The following NLRC3 variants were observed in gnomAD, a reference collection of about 807,000 sequenced individuals.
The protein encoded by NLRC3 is NLR family CARD domain-containing protein 3.
In NLRC3, 87 loss-of-function variants were observed where a neutral mutation model predicts 91.6. The observed-to-expected ratio is 0.95, with a 90% CI of 0.80 to 1.14. The LOEUF (loss-of-function observed/expected upper bound fraction) is 1.14. Ranked by LOEUF, NLRC3 falls within the 50% of genes most tolerant of loss-of-function variation. NLRC3 has a pLI of 0.00. For missense variants in NLRC3, 1,577 were observed against 1,418.6 expected (o/e 1.11, Z -1.79); for synonymous variants, 694 against 625.3 (o/e 1.11, Z -1.64).
rs772641358 is a variant in NLRC3 at position 3,550,508 on chromosome 16, A to C, written c.2352-11T>G. ...CTATTACTGGAGAACCTGCAAGAGA[A>C]GGGATATGGATGAGCCAGCCTCTGG... On this transcript the variant is annotated splice_polypyrimidine_tract_variant and intron_variant, in intron 10 of 19. Coordinates refer to ENST00000359128, the MANE Select transcript of NLRC3 (RefSeq NM_178844.4). 1 of 1,599,302 alleles carries C rather than the reference A, an allele frequency of 6.3e-7. No individual in the cohort carries two copies. The highest frequency in any genetic ancestry group is 1.1e-5 in the South Asian group (1 of 90,800).
chr16:3,554,386 ACT>A (rs2039183733), intron 8 of NLRC3, 61 bp from the exon 9 acceptor site: 5 of 1,312,870 alleles, frequency 3.8e-6, no homozygotes, highest in African/African-American at 1.4e-5. Flanking sequence ...AGGGGTCTGA[ACT>A]CTCTCTGCAG....
chr16:3,552,140 G>T (rs2039049473), intron 10 of NLRC3, 56 bp downstream of exon 10: 5 of 1,037,294 alleles, frequency 4.8e-6, no homozygotes, highest in Admixed American at 1.7e-5. Flanking sequence ...TTTGTGCTGG[G>T]TTGGGCATTG....
chr16:3,546,194 T>C (rs1320031417), intron 15 of NLRC3, among the ~76,000 whole-genome samples: 1 of 151,894 alleles, frequency 6.6e-6, no homozygotes, highest in African/African-American at 2.4e-5. Flanking sequence ...GCCCAGGAGT[T>C]CAAGACTAGC....
In NLRC3 at chr16:3,548,232, G is replaced by C; in HGVS notation, c.2688-14C>G. Reference sequence around the variant, plus strand: ...TTCCACTGCAGGCTGGGCAGACACAGACACATGTGACTATGTGACTATGTG... The same window carrying C: ...TTCCACTGCAGGCTGGGCAGACACACACACATGTGACTATGTGACTATGTG... On this transcript the variant is annotated splice_polypyrimidine_tract_variant and intron_variant, in intron 14 of 19. Transcript: ENST00000359128. 1 of 1,578,632 alleles carries C rather than the reference G, an allele frequency of 6.3e-7. No individual in the cohort carries two copies. The highest frequency in any genetic ancestry group is 1.2e-5 in the South Asian group (1 of 86,454).
intron 7 of NLRC3, among the ~76,000 whole-genome samples, chr16:3,557,380 C>G (rs758936535): frequency 3.3e-5 from 5 of 152,210 alleles, no homozygotes; most frequent in Non-Finnish European, 7.3e-5. Context: ...TGTGGCCTCC[C>G]TGTGTCTTAT....
chr16:3,544,360 A>C (rs775097528), intron 15 of NLRC3, 31 bp from the exon 16 acceptor site: 1 of 1,509,204 alleles, frequency 6.6e-7, no homozygotes, highest in Non-Finnish European at 9.2e-7. Flanking sequence ...CTTTGGGTGC[A>C]CGGGGCACAG....
chr16:3,554,400 G>A, intron 8 of NLRC3, 75 bp from the exon 9 acceptor site: 1 of 1,103,054 alleles, frequency 9.1e-7, no homozygotes, highest in Non-Finnish European at 1.4e-6. Context: ...TCTCTGCAGT[G>A]GGGGCACCTC....
rs746819049 is a variant in NLRC3 at position 3,564,776 on chromosome 16, G to T, written c.179-18C>A. On this transcript the variant is annotated intron_variant, in intron 4 of 19. Transcript: ENST00000359128. This position sits in a 1 kb window ranked among gnomAD's most constrained non-coding sequence, Gnocchi z 5.9. Reference sequence around the variant, plus strand: ...CCTTGAGTCTGCGGGACAGAGGCCAGTGGGGAGGTCTGGTAAGGGAAGAGT... The same window carrying T: ...CCTTGAGTCTGCGGGACAGAGGCCATTGGGGAGGTCTGGTAAGGGAAGAGT... The T allele has an allele frequency of 3.4e-5, 54 of 1,568,064 alleles. No individual in the cohort carries two copies. The highest frequency in any genetic ancestry group is 4.5e-5 in the Non-Finnish European group (52 of 1,160,684).
intron 1 of NLRC3, among the ~76,000 whole-genome samples, chr16:3,568,066 T>G (rs28460311): frequency 0.62 from 94,466 of 151,784 alleles, 30,438 homozygotes; most frequent in African/African-American, 0.79. Flanking sequence ...GGGTTTCACC[T>G]TGCTCACCGG....
In NLRC3 at chr16:3,549,748, A is replaced by T; in HGVS notation, c.2468T>A (p.Val823Glu). 1 of 1,550,886 alleles carries T rather than the reference A, an allele frequency of 6.4e-7. No homozygotes were observed. Among genetic ancestry groups the T allele is most frequent in the South Asian group, 1.2e-5 (1 of 84,044 alleles). Reference protein sequence around the residue: ...LQSNSISDAGVAALMGALCTN... With the variant: ...LQSNSISDAGEAALMGALCTN... ...GCAGAGGGCCCCCATCAGTGCTGCC[A>T]CTCCTGCGTCACTGATGGAATTGCT... Residue 823 changes from valine (V) to glutamate (E), a missense_variant, in exon 12 of 20, where the codon GTG (valine) becomes GAG (glutamate). Val to Glu is a moderately radical substitution (Grantham distance 121). Transcript: ENST00000359128.
At chr16:3,556,704 T>C (rs1381061077) in intron 8 of NLRC3, among the ~76,000 whole-genome samples, 6 of 152,166 alleles carry the variant, frequency 3.9e-5, no homozygotes, top group African/African-American at 7.2e-5. Flanking sequence ...CATTTCGCCA[T>C]GTTGGCCAGG....
At position 3,548,680 on chromosome 16, in the gene NLRC3, T is replaced by A. The variant is rs751798610; in HGVS notation, c.2677A>T (p.Thr893Ser). The change falls in exon 14 of 20, where the codon ACC (threonine) becomes TCC (serine). Residue 893 changes from threonine to serine, a missense_variant. Physicochemically the swap from Thr to Ser is moderately conservative, Grantham distance 58. Coordinates refer to ENST00000359128, the MANE Select transcript of NLRC3 (RefSeq NM_178844.4). ...GAGCTGCAGACTCACTGAAGGGAGG[T>A]GAGGGTGCGGTTTTCTCTCACTGCC... ...AVAVRENRTL[T>S]SLHLQWNFIQ... The A allele has an allele frequency of 1.9e-6, 3 of 1,586,360 alleles. No homozygotes were observed. The highest frequency in any genetic ancestry group is 2.6e-6 in the Non-Finnish European group (3 of 1,166,004).
chr16:3,541,926 A>G lies in NLRC3; in HGVS notation c.3108-11T>C. On this transcript the variant is annotated splice_polypyrimidine_tract_variant and intron_variant, in intron 19 of 19. Coordinates refer to ENST00000359128, the MANE Select transcript of NLRC3 (RefSeq NM_178844.4). ...TGGTTTCCCTGGAGACTAGAAGAGT[A>G]GGGTTAAGGCAGGGCTCAAAGCCTG... The G allele has an allele frequency of 1.9e-6, 3 of 1,551,094 alleles. No individual in the cohort carries two copies. The highest frequency in any genetic ancestry group is 2.7e-6 in the Non-Finnish European group (3 of 1,125,730).
chr16:3,557,589 T>G lies in NLRC3; in HGVS notation c.2099+4A>C. On this transcript the variant is annotated splice_donor_region_variant and intron_variant, in intron 7 of 19. Transcript: ENST00000359128. Reference sequence around the variant, plus strand: ...AAAGTTCGGCCTTGGTTGTCCTTACTTACTCCAGAGAGGTCAGACTTCTGT... The same window carrying G: ...AAAGTTCGGCCTTGGTTGTCCTTACGTACTCCAGAGAGGTCAGACTTCTGT... 6.2e-7 allele frequency: 1 copy of G among 1,605,790 alleles called. No homozygotes were observed. Among genetic ancestry groups the G allele is most frequent in the South Asian group, 1.1e-5 (1 of 90,684 alleles).
At position 3,564,042 on chromosome 16, in the gene NLRC3, C is replaced by G; in HGVS notation, c.895G>C (p.Glu299Gln). The change falls in exon 5 of 20, where the codon GAG becomes CAG. Residue 299 changes from glutamate to glutamine, a missense_variant. Physicochemically the swap from Glu to Gln is conservative, Grantham distance 29 (BLOSUM62 2). Transcript: ENST00000359128. The surrounding 1 kb of genome is among the most constrained non-coding windows in gnomAD (Gnocchi z 5.9). Reference protein sequence around the residue: ...FNEEEIKVCLEQMFPEDQALL... With the variant: ...FNEEEIKVCLQQMFPEDQALL... Reference sequence around the variant, plus strand: ...GCCTGGTCCTCGGGGAACATCTGCTCCAAACACACCTTGATCTCCTCCTCG... The same window carrying G: ...GCCTGGTCCTCGGGGAACATCTGCTGCAAACACACCTTGATCTCCTCCTCG... The G allele has an allele frequency of 6.2e-7, 1 of 1,612,200 alleles. No homozygotes were observed. The highest frequency in any genetic ancestry group is 8.5e-7 in the Non-Finnish European group (1 of 1,179,888).
chr16:3,554,056 T>C (rs1448650214), intron 9 of NLRC3, among the ~76,000 whole-genome samples, 186 bp downstream of exon 9: 3 of 152,178 alleles, frequency 2.0e-5, no homozygotes, highest in African/African-American at 7.2e-5. Flanking sequence ...CAGGAGGTTT[T>C]ATTTTTAATT....
In NLRC3 at chr16:3,564,707, C is replaced by A. The variant is rs1479311215; in HGVS notation, c.230G>T (p.Gly77Val). The change falls in exon 5 of 20, where the codon GGC (glycine) becomes GTC (valine). Residue 77 changes from glycine to valine, a missense_variant. By Grantham distance (109) the Gly-to-Val change is moderately radical. Transcript: ENST00000359128. This position sits in a 1 kb window ranked among gnomAD's most constrained non-coding sequence, Gnocchi z 5.9. ...GTGCCAGGGTCCGCCCAGCTCCGGG[C>A]CACCTCCCACCTTGCTCAGCAGGGC... is the stretch of plus-strand genomic sequence containing the variant. The part of the protein sequence containing the change: ...RKALLSKVGG[G>V]PELGGPWHRL... 1.3e-6 allele frequency: 2 copies of A among 1,596,284 alleles called. No homozygotes were observed. Among genetic ancestry groups the A allele is most frequent in the East Asian group, 4.5e-5 (2 of 44,822 alleles).
At chr16:3,555,544 C>G (rs769737447) in intron 8 of NLRC3, among the ~76,000 whole-genome samples, 9 of 151,998 alleles carry the variant, frequency 5.9e-5, no homozygotes, top group Non-Finnish European at 1.3e-4. Context: ...TGAATTTGCT[C>G]AATGCCACTG....
chr16:3,554,603 T>A (rs1380462846), intron 8 of NLRC3, among the ~76,000 whole-genome samples: 1 of 152,162 alleles, frequency 6.6e-6, no homozygotes, highest in African/African-American at 2.4e-5. Flanking sequence ...TCATTACAGC[T>A]GAAAGACACA....
Sources: gnomAD v4.1 joint callset for allele counts (sites outside exome capture counted in the v4.1 genomes callset) on GRCh38, gnomAD v4.1.1 for gene constraint, Gnocchi (gnomAD v3.1) non-coding constraint, MANE v1.5 for transcripts, NCBI Gene and HGNC (gene_info 2026-07-23, HGNC 2026-07-21) for gene names.